The following PRKG1 variants were observed in gnomAD, a reference collection of about 807,000 sequenced individuals.
The protein encoded by PRKG1 is protein kinase cGMP-dependent 1, also known as cGMP-dependent protein kinase 1.
PRKG1 carries 35 observed loss-of-function variants against 88.1 expected under a neutral mutation model. The ratio of observed to expected loss-of-function variants is 0.40; its 90% CI spans 0.30 to 0.53. PRKG1 has a LOEUF of 0.53. Ranked by LOEUF, PRKG1 falls within the 20% of genes least tolerant of loss-of-function variation. The probability of loss-of-function intolerance (pLI) is 0.59; values close to 1 mark genes in which losing one functional copy is unlikely to be tolerated. For synonymous variants in PRKG1, 303 were observed against 292.5 expected (o/e 1.04, Z -0.37); for missense variants, 540 against 839.8 (o/e 0.64, Z 4.41).
chr10:51,615,641 C>G (rs561559145), intron 3 of PRKG1, among the ~76,000 whole-genome samples: 32 of 138,980 alleles, frequency 2.3e-4, no homozygotes, highest in South Asian at 1.4e-3. Context: ...ATCTTCACTT[C>G]TAGAAACTCT....
chr10:51,181,259 G>T (rs1198826010), intron 2 of PRKG1, among the ~76,000 whole-genome samples: 2 of 112,144 alleles, frequency 1.8e-5, no homozygotes, highest in Admixed American at 2.0e-4. Flanking sequence ...TTTTGAGACG[G>T]AGTCTCGCTC....
At chr10:52,060,664 CAATAT>C (rs765519159) in intron 6 of PRKG1, among the ~76,000 whole-genome samples, 20 of 151,754 alleles carry the variant, frequency 1.3e-4, no homozygotes, top group African/African-American at 4.1e-4. Flanking sequence ...GTATTGATAA[CAATAT>C]AATATAATAT....
chr10:51,197,633 A>G (rs1001376517), intron 2 of PRKG1, among the ~76,000 whole-genome samples: 61 of 151,996 alleles, frequency 4.0e-4, no homozygotes, highest in African/African-American at 1.4e-3. Flanking sequence ...TGAGGTACAC[A>G]TATGTAGCAT....
intron 3 of PRKG1, among the ~76,000 whole-genome samples, chr10:51,596,819 C>T (rs936613114): frequency 6.6e-6 from 1 of 152,118 alleles, no homozygotes; most frequent in Non-Finnish European, 1.5e-5. Flanking sequence ...TTCTCAAATG[C>T]CCTTCTCTGG....
chr10:52,248,198 G>T (rs573484715), intron 9 of PRKG1, among the ~76,000 whole-genome samples: 2 of 152,148 alleles, frequency 1.3e-5, no homozygotes, highest in Admixed American at 1.3e-4. Context: ...CTTCCAGTGC[G>T]GGCATTAGGG....
intron 2 of PRKG1, among the ~76,000 whole-genome samples, chr10:51,371,922 C>T (rs1842713473): frequency 1.3e-5 from 2 of 151,962 alleles, no homozygotes; most frequent in Admixed American, 1.3e-4. Context: ...AAAACTATGC[C>T]CAGCTCAGGG....
At chr10:51,471,696 TA>T in intron 3 of PRKG1, among the ~76,000 whole-genome samples, 1 of 152,032 alleles carries the variant, frequency 6.6e-6, no homozygotes, top group East Asian at 1.9e-4. Context: ...CTTTTGCCTG[TA>T]AACATTAAAT....
intron 3 of PRKG1, among the ~76,000 whole-genome samples, chr10:51,705,979 G>A (rs1266112308): frequency 2.0e-5 from 3 of 152,126 alleles, no homozygotes; most frequent in South Asian, 2.1e-4. Flanking sequence ...CATCTCCCTT[G>A]GCATTTTTCC....
intron 3 of PRKG1, among the ~76,000 whole-genome samples, chr10:51,753,424 G>A (rs1191213278): frequency 6.6e-6 from 1 of 152,060 alleles, no homozygotes; most frequent in Non-Finnish European, 1.5e-5. Context: ...ATCAAGTATA[G>A]CAGCACTGTC....
intron 1 of PRKG1, among the ~76,000 whole-genome samples, chr10:51,101,037 C>T (rs546643493): frequency 1.8e-4 from 28 of 152,228 alleles, no homozygotes; most frequent in Non-Finnish European, 2.4e-4. Flanking sequence ...ATCCCTCTCG[C>T]TAGGCACTAA....
At chr10:51,406,253 T>A (rs1241702514) in intron 2 of PRKG1, among the ~76,000 whole-genome samples, 1 of 152,230 alleles carries the variant, frequency 6.6e-6, no homozygotes, top group African/African-American at 2.4e-5. Flanking sequence ...TTCAAGAGCT[T>A]ATACATCATT....
chr10:51,580,797 A>T (rs1040195108), intron 3 of PRKG1, among the ~76,000 whole-genome samples: 1 of 151,862 alleles, frequency 6.6e-6, no homozygotes, highest in African/African-American at 2.4e-5. Flanking sequence ...TAGCTTTTTT[A>T]TTTTTGTTTT....
In PRKG1 at chr10:52,169,892, G is replaced by T. The variant is rs1838614215; in HGVS notation, c.1076+7929G>T. On this transcript the variant is annotated intron_variant, in intron 9 of 17. Transcript: ENST00000373980. ...AAGAGAGTTTAAGACTGAGCAAGTG[G>T]TTCTCAGGTCCTTTTAACTTCATGA... Among the ~76,000 whole-genome samples the T allele has an allele frequency of 2.0e-5, 3 of 152,046 alleles. No individual in the cohort carries two copies. The South Asian group carries it at 6.2e-4, about 32-fold the overall frequency.
intron 7 of PRKG1, among the ~76,000 whole-genome samples, chr10:52,073,002 A>G (rs1307335729): frequency 2.6e-5 from 4 of 152,218 alleles, no homozygotes; most frequent in African/African-American, 9.6e-5. Flanking sequence ...ATCCAAAGTC[A>G]AAGTGTCACC....
At chr10:51,486,101 A>G (rs1308451027) in intron 3 of PRKG1, among the ~76,000 whole-genome samples, 1 of 152,084 alleles carries the variant, frequency 6.6e-6, no homozygotes, top group Non-Finnish European at 1.5e-5. Context: ...ATACATTATT[A>G]TTATTATTTT....
Position 51,093,290 on chromosome 10 carries a change from C to T in PRKG1, c.311+18389C>T, listed in dbSNP as rs565245659. Among the ~76,000 whole-genome samples, 4 of 152,216 alleles carry T rather than the reference C, an allele frequency of 2.6e-5. No individual in the cohort carries two copies. The South Asian group carries it at 8.3e-4, about 32-fold the overall frequency. On this transcript the variant is annotated intron_variant, in intron 1 of 17. Coordinates refer to ENST00000373980, the MANE Select transcript of PRKG1 (RefSeq NM_006258.4). ...ACCCATCTAGGTGATTCTGACGTGCCTTAAAAGTAGAGAACCCCTGGAATA... is the reference window on the plus strand; with the variant it reads ...ACCCATCTAGGTGATTCTGACGTGCTTTAAAAGTAGAGAACCCCTGGAATA...
chr10:51,452,376 A>C (rs1379294320), intron 2 of PRKG1, among the ~76,000 whole-genome samples: 1 of 151,878 alleles, frequency 6.6e-6, no homozygotes, highest in Non-Finnish European at 1.5e-5. Context: ...TTCAGTTCTC[A>C]GGGGGAATGC....
chr10:51,158,382 A>G (rs1447907303), intron 2 of PRKG1, among the ~76,000 whole-genome samples: 1 of 151,936 alleles, frequency 6.6e-6, no homozygotes, highest in African/African-American at 2.4e-5. Flanking sequence ...TAACTTTTGA[A>G]GTACAGATTA....
At chr10:51,372,079 C>A (rs1051909694) in intron 2 of PRKG1, among the ~76,000 whole-genome samples, 31 of 152,182 alleles carry the variant, frequency 2.0e-4, no homozygotes, top group South Asian at 4.1e-4. Flanking sequence ...TAATAAAAAA[C>A]ATATGGATAA....
Sources: allele counts gnomAD v4.1 joint callset (sites outside exome capture counted in the v4.1 genomes callset), GRCh38; gene constraint gnomAD v4.1.1; transcripts MANE v1.5; gene names NCBI Gene and HGNC (gene_info 2026-07-23, HGNC 2026-07-21).